The following MAST4 variants were observed in gnomAD, a reference collection of about 807,000 sequenced individuals.
MAST4 encodes microtubule-associated serine/threonine-protein kinase 4.
In MAST4, 89 loss-of-function variants were observed where a neutral mutation model predicts 162.7. The ratio of observed to expected loss-of-function variants is 0.55; its 90% CI spans 0.46 to 0.65. The LOEUF (loss-of-function observed/expected upper bound fraction) is 0.65, where lower values mean the gene tolerates loss of function less well. Ranked by LOEUF, MAST4 falls within the 30% of genes least tolerant of loss-of-function variation. The probability of loss-of-function intolerance (pLI) is 0.00; values close to 1 mark genes in which losing one functional copy is unlikely to be tolerated. For missense variants in MAST4, 3,153 were observed against 3,374.0 expected (o/e 0.93, Z 1.62); for synonymous variants, 1,479 against 1,361.1 (o/e 1.09, Z -1.91).
chr5:67,067,499 A>C (rs1760391210), intron 5 of MAST4, among the ~76,000 whole-genome samples: 1 of 152,256 alleles, frequency 6.6e-6, no homozygotes, highest in African/African-American at 2.4e-5. Context: ...ATTTGTAGCT[A>C]GAAATGATAC....
intron 3 of MAST4, among the ~76,000 whole-genome samples, chr5:66,863,986 C>T (rs1760302195): frequency 6.6e-6 from 1 of 152,218 alleles, no homozygotes; most frequent in South Asian, 2.1e-4. Flanking sequence ...GGAATCCTGA[C>T]TGAAACACTG....
At chr5:66,820,693 G>A (rs1756950846) in intron 3 of MAST4, among the ~76,000 whole-genome samples, 1 of 152,212 alleles carries the variant, frequency 6.6e-6, no homozygotes, top group African/African-American at 2.4e-5. Context: ...TGTGATTGAT[G>A]TTAGGGCATT....
At chr5:67,009,134 A>G (rs1217738022) in intron 4 of MAST4, among the ~76,000 whole-genome samples, 1 of 152,208 alleles carries the variant, frequency 6.6e-6, no homozygotes, top group East Asian at 1.9e-4. Context: ...AGACAAGTAA[A>G]TGAATCATTG....
chr5:66,746,005 T>A (rs1056447260), intron 1 of MAST4, among the ~76,000 whole-genome samples: 2 of 152,120 alleles, frequency 1.3e-5, no homozygotes, highest in African/African-American at 4.8e-5. Context: ...TGTAGAAATT[T>A]GGGTTCTGGT....
At chr5:66,636,964 T>C (rs1303119210) in intron 1 of MAST4, among the ~76,000 whole-genome samples, 1 of 152,214 alleles carries the variant, frequency 6.6e-6, no homozygotes, top group Admixed American at 6.5e-5. Context: ...CTCAGAAACT[T>C]AAAATACAAA....
intron 1 of MAST4, among the ~76,000 whole-genome samples, chr5:66,683,869 CAG>C: frequency 6.6e-6 from 1 of 152,262 alleles, no homozygotes; most frequent in African/African-American, 2.4e-5. Flanking sequence ...ACAGATGCTG[CAG>C]AGACTGGTAT....
At chr5:67,057,869 C>A (rs1451241453) in intron 5 of MAST4, among the ~76,000 whole-genome samples, 1 of 148,962 alleles carries the variant, frequency 6.7e-6, no homozygotes. Flanking sequence ...GAAAAATGGG[C>A]AAAAGGTGCA....
intron 10 of MAST4, among the ~76,000 whole-genome samples, chr5:67,105,390 TGAGAA>T (rs1467815621): frequency 6.6e-6 from 1 of 152,220 alleles, no homozygotes; most frequent in Non-Finnish European, 1.5e-5. Flanking sequence ...TCCTAATTTT[TGAGAA>T]CTCTATCTAT....
chr5:67,147,717 AG>A, intron 23 of MAST4, among the ~76,000 whole-genome samples: 1 of 152,358 alleles, frequency 6.6e-6, no homozygotes, highest in South Asian at 2.1e-4. Flanking sequence ...AAGTTTTGTG[AG>A]ATGAGATTTA....
intron 4 of MAST4, among the ~76,000 whole-genome samples, chr5:67,040,284 TCTG>T (rs1447554661): frequency 6.6e-6 from 1 of 152,032 alleles, no homozygotes; most frequent in Admixed American, 6.6e-5. Flanking sequence ...CAAAAAAAAA[TCTG>T]CTGCATGCAT....
intron 3 of MAST4, among the ~76,000 whole-genome samples, chr5:66,847,188 C>T (rs147862172): frequency 2.1e-3 from 321 of 152,304 alleles, no homozygotes; most frequent in African/African-American, 7.4e-3. Context: ...TCGAGGGGAG[C>T]ATTTGATGTA....
At chr5:66,862,528 A>C (rs944400582) in intron 3 of MAST4, among the ~76,000 whole-genome samples, 2 of 152,228 alleles carry the variant, frequency 1.3e-5, no homozygotes, top group African/African-American at 4.8e-5. Context: ...ATGTTTTAAA[A>C]TGCTCTAACA....
chr5:67,105,085 A>G (rs1478128444), intron 10 of MAST4, among the ~76,000 whole-genome samples: 1 of 152,208 alleles, frequency 6.6e-6, no homozygotes, highest in Non-Finnish European at 1.5e-5. Flanking sequence ...TTCCAAAATG[A>G]CAGATAAACA....
intron 3 of MAST4, among the ~76,000 whole-genome samples, chr5:66,834,917 C>T (rs140896537): frequency 3.3e-5 from 5 of 152,156 alleles, no homozygotes; most frequent in Non-Finnish European, 7.3e-5. Flanking sequence ...TCTACAGATC[C>T]TGTGATAGCT....
intron 1 of MAST4, among the ~76,000 whole-genome samples, chr5:66,693,915 A>G (rs1280637975): frequency 6.6e-6 from 1 of 152,116 alleles, no homozygotes; most frequent in East Asian, 1.9e-4. Flanking sequence ...AAGGGGAGGG[A>G]TTTGCTCCAA....
intron 3 of MAST4, among the ~76,000 whole-genome samples, chr5:66,888,228 T>C (rs1762165089): frequency 6.6e-6 from 1 of 152,218 alleles, no homozygotes; most frequent in Non-Finnish European, 1.5e-5. Flanking sequence ...TTATTGATTA[T>C]TTGAATATGT....
chr5:66,676,457 A>G (rs1747953686), intron 1 of MAST4, among the ~76,000 whole-genome samples: 1 of 111,250 alleles, frequency 9.0e-6, no homozygotes, highest in African/African-American at 3.9e-5. Context: ...GAACTTCCCC[A>G]AGACTCTTTT....
intron 2 of MAST4, among the ~76,000 whole-genome samples, chr5:66,787,510 C>A (rs531792911): frequency 6.6e-6 from 1 of 152,334 alleles, no homozygotes; most frequent in Non-Finnish European, 1.5e-5. Context: ...TTTGACAGTG[C>A]TGGTAGTTAG....
At chr5:67,035,480 A>C (rs1032232998) in intron 4 of MAST4, among the ~76,000 whole-genome samples, 4 of 152,252 alleles carry the variant, frequency 2.6e-5, no homozygotes, top group African/African-American at 9.6e-5. Context: ...GGGATCTACT[A>C]TGTCAAGTTT....
Sources: allele counts gnomAD v4.1 joint callset (sites outside exome capture counted in the v4.1 genomes callset), GRCh38; gene constraint gnomAD v4.1.1; transcripts MANE v1.5; gene names NCBI Gene and HGNC (gene_info 2026-07-23, HGNC 2026-07-21).